Variants in GRID1 observed in about 807,000 individuals in gnomAD.
GRID1 encodes glutamate ionotropic receptor delta type subunit 1.
GRID1 carries 28 observed loss-of-function variants against 98.0 expected under a neutral mutation model. The ratio of observed to expected loss-of-function variants is 0.29; its 90% CI spans 0.21 to 0.39. The LOEUF (loss-of-function observed/expected upper bound fraction) is 0.39. Ranked by LOEUF, GRID1 falls within the 10% of genes least tolerant of loss-of-function variation. GRID1 has a pLI of 1.00. For synonymous variants in GRID1, 553 were observed against 538.5 expected, an observed-to-expected ratio of 1.03 and a Z score of -0.37; for missense variants, 1,111 against 1,340.5, an observed-to-expected ratio of 0.83 and a Z score of 2.67.
Position 86,206,435 on chromosome 10 carries a change from T to A in GRID1, c.449A>T (p.Asn150Ile). Residue 150 changes from asparagine to isoleucine, a missense_variant, in exon 3 of 16, where the codon AAT becomes ATT. Physicochemically the swap from Asn to Ile is moderately radical, Grantham distance 149. Coordinates refer to ENST00000327946, the MANE Select transcript of GRID1 (RefSeq NM_017551.3). The surrounding 1 kb of genome is among the most constrained non-coding windows in gnomAD (Gnocchi z 4.1). ...CGTCACCAGCCTGAGCATGACATCA[T>A]TGAGGCGGACGGGTGGTCTCGAAGC... Reference protein sequence around the residue: ...TLASRPPVRLNDVMLRLVTEL... With the variant: ...TLASRPPVRLIDVMLRLVTEL... 2 of 1,613,976 alleles carry A rather than the reference T, an allele frequency of 1.2e-6. No homozygotes were observed. Among genetic ancestry groups the A allele is most frequent in the Non-Finnish European group, 1.7e-6 (2 of 1,179,842 alleles).
intron 8 of GRID1, among the ~76,000 whole-genome samples, chr10:85,826,510 C>T (rs1241710419): frequency 6.6e-6 from 1 of 152,088 alleles, no homozygotes; most frequent in Non-Finnish European, 1.5e-5. Flanking sequence ...CCTCCCCCGT[C>T]CCCCACCCTG....
intron 5 of GRID1, among the ~76,000 whole-genome samples, chr10:85,897,672 T>C (rs190403725): frequency 5.4e-4 from 82 of 152,334 alleles, no homozygotes; most frequent in African/African-American, 1.9e-3. Flanking sequence ...TTGATATATG[T>C]ATACATTGTG....
chr10:86,226,093 G>T (rs1347274655), intron 2 of GRID1, among the ~76,000 whole-genome samples: 1 of 152,054 alleles, frequency 6.6e-6, no homozygotes. Flanking sequence ...GGCATGAGAA[G>T]CAAGAAGAGC....
intron 4 of GRID1, among the ~76,000 whole-genome samples, chr10:86,012,543 C>T (rs1842933293): frequency 6.6e-6 from 1 of 152,198 alleles, no homozygotes; most frequent in South Asian, 2.1e-4. Context: ...TCTTAGCTTT[C>T]CCTAAAGGGA....
intron 8 of GRID1, among the ~76,000 whole-genome samples, chr10:85,770,648 A>T (rs546339017): frequency 6.6e-6 from 1 of 152,368 alleles, no homozygotes; most frequent in African/African-American, 2.4e-5. Flanking sequence ...ATGGAGCTGA[A>T]AGCCAAGGCT....
chr10:85,681,016 C>T (rs1161747916), intron 12 of GRID1, among the ~76,000 whole-genome samples: 1 of 152,162 alleles, frequency 6.6e-6, no homozygotes, highest in African/African-American at 2.4e-5. Flanking sequence ...GGAGAAATTA[C>T]CTTATGGGTA....
At chr10:86,022,454 G>A (rs1430579892) in intron 4 of GRID1, among the ~76,000 whole-genome samples, 2 of 152,074 alleles carry the variant, frequency 1.3e-5, no homozygotes, top group Admixed American at 1.3e-4. Context: ...GAGGTCCCCT[G>A]GTCAGCCATG....
chr10:85,768,313 C>CT (rs2132706792), intron 8 of GRID1, among the ~76,000 whole-genome samples: 2 of 151,832 alleles, frequency 1.3e-5, no homozygotes, highest in East Asian at 3.9e-4. Context: ...CAAATTGAAA[C>CT]TATAAAATTT....
At chr10:86,176,360 G>A (rs1003332533) in intron 3 of GRID1, among the ~76,000 whole-genome samples, 4 of 152,328 alleles carry the variant, frequency 2.6e-5, no homozygotes, top group Admixed American at 2.0e-4. Flanking sequence ...TTACCTAAAA[G>A]AATGGGGAAC....
intron 2 of GRID1, among the ~76,000 whole-genome samples, chr10:86,323,504 G>C (rs763608539): frequency 2.0e-5 from 3 of 152,196 alleles, no homozygotes; most frequent in South Asian, 4.1e-4. Context: ...GAAGGAAACA[G>C]GCATTTTCAG....
intron 5 of GRID1, among the ~76,000 whole-genome samples, chr10:85,882,116 G>A (rs1026441023): frequency 2.0e-5 from 3 of 152,116 alleles, no homozygotes; most frequent in Non-Finnish European, 4.4e-5. Flanking sequence ...TAAAAAGTCA[G>A]GGAACCACAG....
intron 4 of GRID1, among the ~76,000 whole-genome samples, chr10:86,107,919 A>C (rs938009129): frequency 6.6e-6 from 1 of 152,186 alleles, no homozygotes; most frequent in African/African-American, 2.4e-5. Context: ...CTCCCACTCA[A>C]TAAAACCTTG....
At chr10:86,083,287 C>T (rs7924272) in intron 4 of GRID1, among the ~76,000 whole-genome samples, 26,573 of 152,140 alleles carry the variant, frequency 0.17, 2,506 homozygotes, top group East Asian at 0.38. Context: ...TGAGGACTGG[C>T]GGGGAGAACT....
intron 3 of GRID1, among the ~76,000 whole-genome samples, chr10:86,173,013 T>C (rs1395078704): frequency 6.6e-6 from 1 of 152,206 alleles, no homozygotes; most frequent in African/African-American, 2.4e-5. Flanking sequence ...CAATTGTGTC[T>C]CCAAAAGACA....
At position 86,055,395 on chromosome 10, in the gene GRID1, T is replaced by C. The variant is rs566542218; in HGVS notation, c.726+83424A>G. Among the ~76,000 whole-genome samples the C allele has an allele frequency of 7.2e-5, 11 of 152,244 alleles. No homozygotes were observed. The East Asian group carries it at 1.7e-3, about 24-fold the overall frequency. ...CACCCAGTGTGATGGTATTTGGAGA[T>C]GTAGCCTGTGAGAGATAGTTAACAT... On this transcript the variant is annotated intron_variant, in intron 4 of 15. Transcript: ENST00000327946.
chr10:86,125,704 G>A (rs1003975819), intron 4 of GRID1, among the ~76,000 whole-genome samples: 3 of 151,704 alleles, frequency 2.0e-5, no homozygotes, highest in Non-Finnish European at 2.9e-5. Flanking sequence ...CTCCCGCCTC[G>A]GCCACCCATG....
chr10:85,868,927 A>T, intron 6 of GRID1, 83 bp downstream of exon 6: 2 of 1,129,852 alleles, frequency 1.8e-6, no homozygotes, highest in South Asian at 2.6e-5. Context: ...TGGCAATAGG[A>T]GGCCCCCACA....
intron 12 of GRID1, among the ~76,000 whole-genome samples, chr10:85,707,266 G>GA (rs890885402): frequency 2.6e-4 from 39 of 149,404 alleles, no homozygotes; most frequent in South Asian, 4.2e-4. Flanking sequence ...AAATTTACAA[G>GA]AAAAAAAAAC....
chr10:85,770,103 C>G (rs192218469), intron 8 of GRID1, among the ~76,000 whole-genome samples: 402 of 152,316 alleles, frequency 2.6e-3, no homozygotes, highest in Admixed American at 5.0e-3. Context: ...ACACCTCACA[C>G]GGCCGGGTAC....
Sources: gnomAD v4.1 joint callset for allele counts (sites outside exome capture counted in the v4.1 genomes callset) on GRCh38, gnomAD v4.1.1 for gene constraint, Gnocchi (gnomAD v3.1) non-coding constraint, MANE v1.5 for transcripts, NCBI Gene and HGNC (gene_info 2026-07-23, HGNC 2026-07-21) for gene names.